Variants in UBAC1 observed in about 807,000 individuals in gnomAD.
The protein encoded by UBAC1 is UBA domain containing 1, also known as ubiquitin-associated domain-containing protein 1.
A neutral mutation model predicts 45.9 loss-of-function variants in UBAC1; 27 were observed. The ratio of observed to expected loss-of-function variants is 0.59; its 90% CI spans 0.43 to 0.81. The LOEUF is 0.81. Among genes scored for constraint, UBAC1 ranks in the 30% least tolerant of loss-of-function variants. UBAC1 has a pLI of 0.00. For missense variants in UBAC1, 529 were observed against 539.2 expected (o/e 0.98, Z 0.19); for synonymous variants, 227 against 215.5 (o/e 1.05, Z -0.47).
chr9:135,958,240 G>A (rs530418770), intron 1 of UBAC1, among the ~76,000 whole-genome samples: 1 of 152,044 alleles, frequency 6.6e-6, no homozygotes, highest in South Asian at 2.1e-4. Flanking sequence ...GTAAAGATGG[G>A]GTTTCACTGT....
At position 135,933,255 on chromosome 9, in the gene UBAC1, A is replaced by T; in HGVS notation, c.*145T>A. 1.6e-6 allele frequency: 1 copy of T among 644,090 alleles called. No homozygotes were observed. Among genetic ancestry groups the T allele is most frequent in the South Asian group, 1.9e-5 (1 of 54,038 alleles). 39.9% of individuals were successfully genotyped at this position (644,090 alleles called of 1,614,324 possible). A position where few individuals can be genotyped will look rare whatever the true frequency, so the allele number is the denominator to read the frequency against. ...GTCACCAAAGTTTATAAGCAATAAG[A>T]TCAGAGAGCAGGAGCAGCTGCAGCA... On this transcript the variant is annotated 3_prime_UTR_variant, in exon 10 of 10. Coordinates refer to ENST00000371756, the MANE Select transcript of UBAC1 (RefSeq NM_016172.3).
chr9:135,956,930 G>C (rs1043357030), intron 1 of UBAC1, among the ~76,000 whole-genome samples: 6 of 152,150 alleles, frequency 3.9e-5, no homozygotes, highest in African/African-American at 1.4e-4. Flanking sequence ...GCCCAGCCTG[G>C]AGCTGGGCCG....
intron 7 of UBAC1, among the ~76,000 whole-genome samples, chr9:135,943,392 C>T (rs376048507): frequency 1.3e-5 from 2 of 152,132 alleles, no homozygotes; most frequent in Middle Eastern, 3.2e-3. Flanking sequence ...AAATGCAAAT[C>T]AAAACCACAA....
In UBAC1 at chr9:135,938,371, A is replaced by C; in HGVS notation, c.964-11T>G. The C allele has an allele frequency of 6.2e-7, 1 of 1,612,136 alleles. No individual in the cohort carries two copies. The highest frequency in any genetic ancestry group is 1.1e-5 in the South Asian group (1 of 91,032). ...CAGCAGCCACTCGCACTGCAAAGCCAAGAGCACCAATACCACTGTTAGCGC... is the reference window on the plus strand; with the variant it reads ...CAGCAGCCACTCGCACTGCAAAGCCCAGAGCACCAATACCACTGTTAGCGC... On this transcript the variant is annotated splice_polypyrimidine_tract_variant and intron_variant, in intron 8 of 9. Transcript: ENST00000371756.
Position 135,960,917 on chromosome 9 carries a change from G to A in UBAC1, c.138+108C>T, listed in dbSNP as rs1012772222. The A allele has an allele frequency of 8.8e-6, 9 of 1,027,536 alleles. No individual in the cohort carries two copies. The African/African-American group carries it at 1.4e-4, about 15-fold the overall frequency. The allele number at this position is 1,027,536 out of a possible 1,614,324, so 63.7% of individuals were successfully genotyped here. A position where few individuals can be genotyped will look rare whatever the true frequency, so the allele number is the denominator to read the frequency against. ...CGGAGGAGAGGGCCTGGGAGCTGCG[G>A]ACTGGGCGGCGGACCCCAGGTCGGG... On this transcript the variant is annotated intron_variant, in intron 1 of 9. Coordinates refer to ENST00000371756, the MANE Select transcript of UBAC1 (RefSeq NM_016172.3).
chr9:135,955,876 G>A (rs981696290), intron 1 of UBAC1, among the ~76,000 whole-genome samples: 3 of 152,182 alleles, frequency 2.0e-5, no homozygotes, highest in Non-Finnish European at 2.9e-5. Flanking sequence ...CTGAGATGGG[G>A]ATAAGAGGAG....
intron 3 of UBAC1, among the ~76,000 whole-genome samples, chr9:135,950,404 G>T (rs182969330): frequency 6.6e-6 from 1 of 152,282 alleles, no homozygotes; most frequent in African/African-American, 2.4e-5. Context: ...TGGAGGGAGG[G>T]AACACCCCAG....
At chr9:135,942,343 T>A (rs1283489192) in intron 7 of UBAC1, 2 of 152,002 alleles carry the variant, frequency 1.3e-5, no homozygotes, top group Non-Finnish European at 2.9e-5. Context: ...AAATGCTAGA[T>A]GAAAATAAAA....
At chr9:135,950,557 T>C (rs754655002) in intron 3 of UBAC1, among the ~76,000 whole-genome samples, 5 of 152,058 alleles carry the variant, frequency 3.3e-5, no homozygotes, top group Non-Finnish European at 7.4e-5. Flanking sequence ...AATACAGCTG[T>C]GTAAGAAGGA....
intron 9 of UBAC1, 142 bp from the exon 10 acceptor site, chr9:135,933,657 T>A: frequency 1.5e-6 from 1 of 645,762 alleles, no homozygotes; most frequent in Non-Finnish European, 2.8e-6. Flanking sequence ...CTGCTAAGTG[T>A]GCACTCTCAG....
At chr9:135,959,371 G>GTT (rs1564200535) in intron 1 of UBAC1, among the ~76,000 whole-genome samples, 2 of 103,912 alleles carry the variant, frequency 1.9e-5, no homozygotes, top group African/African-American at 4.0e-5. Flanking sequence ...TTTTTTGTCT[G>GTT]GTTTTTTTTT....
chr9:135,943,083 C>G (rs1259150286), intron 7 of UBAC1, among the ~76,000 whole-genome samples: 2 of 152,054 alleles, frequency 1.3e-5, no homozygotes, highest in Admixed American at 1.3e-4. Flanking sequence ...AAAAAACAAC[C>G]CCATTAAAAA....
At chr9:135,946,103 C>G in intron 5 of UBAC1, 106 bp from the exon 6 acceptor site, 3 of 1,196,760 alleles carry the variant, frequency 2.5e-6, no homozygotes, top group Non-Finnish European at 3.7e-6. Flanking sequence ...ACCTGCCCGC[C>G]CTCAGGCACA....
Position 135,945,902 on chromosome 9 carries a change from G to A in UBAC1, c.640C>T (p.Leu214Phe). The A allele has an allele frequency of 6.2e-7, 1 of 1,614,048 alleles. No homozygotes were observed. ...GFPENRATKA[L>F]QLNHMSVPQA... ...CCCCCCACGCACTGGTTCAGCTGAA[G>A]GGCCTTGGTGGCTCTGTTCTCCGGA... The change falls in exon 6 of 10, where the codon CTT (leucine) becomes TTT (phenylalanine). Residue 214 changes from leucine to phenylalanine, a missense_variant. Leu to Phe is a conservative substitution (Grantham distance 22, BLOSUM62 0). Coordinates refer to ENST00000371756, the MANE Select transcript of UBAC1 (RefSeq NM_016172.3).
In UBAC1 at chr9:135,960,174, G is replaced by C. The variant is rs982614596; in HGVS notation, c.138+851C>G. 3.3e-5 allele frequency among the ~76,000 whole-genome samples: 5 copies of C among 152,152 alleles called. No individual in the cohort carries two copies. The East Asian group carries it at 5.8e-4, about 18-fold the overall frequency. On this transcript the variant is annotated intron_variant, in intron 1 of 9. Coordinates refer to ENST00000371756, the MANE Select transcript of UBAC1 (RefSeq NM_016172.3). ...CCTCCTTCAACCTAAATTCTGCCAAGCCCTCAGATCATGTCAGGTATAGAC... is the reference window on the plus strand; with the variant it reads ...CCTCCTTCAACCTAAATTCTGCCAACCCCTCAGATCATGTCAGGTATAGAC...
chr9:135,945,105 C>A lies in UBAC1; in HGVS notation c.799G>T (p.Asp267Tyr), dbSNP rs752631024. 1 of 1,613,700 alleles carries A rather than the reference C, an allele frequency of 6.2e-7. No homozygotes were observed. Among genetic ancestry groups the A allele is most frequent in the Non-Finnish European group, 8.5e-7 (1 of 1,179,788 alleles). The change falls in exon 7 of 10, where the codon GAT becomes TAT. Residue 267 changes from aspartate (D) to tyrosine (Y), a missense_variant. Physicochemically the swap from Asp to Tyr is radical, Grantham distance 160. Transcript: ENST00000371756. ...GTCAGCTCATCTCTGGCCTCCTCAT[C>A]GGTGGCGCTGGCTCCCGCGGCAGCC... ...SEAAAGASAT[D>Y]EEARDELTEI...
chr9:135,957,885 G>A (rs980402493), intron 1 of UBAC1, among the ~76,000 whole-genome samples: 3 of 143,300 alleles, frequency 2.1e-5, no homozygotes, highest in Admixed American at 7.3e-5. Flanking sequence ...AGCGATTCTT[G>A]TGCCTCAGCC....
intron 6 of UBAC1, 31 bp downstream of exon 6, chr9:135,945,858 C>T (rs752249984): frequency 1.4e-5 from 22 of 1,593,934 alleles, no homozygotes; most frequent in South Asian, 9.9e-5. Flanking sequence ...CAGGTGTCTC[C>T]GGCAAGGGAA....
chr9:135,938,821 G>GA (rs1218532695), intron 8 of UBAC1, among the ~76,000 whole-genome samples: 2 of 152,116 alleles, frequency 1.3e-5, no homozygotes, highest in Non-Finnish European at 2.9e-5. Flanking sequence ...GGTGGGGGGG[G>GA]GATGTGGGCC....
Sources: gnomAD v4.1 joint callset for allele counts (sites outside exome capture counted in the v4.1 genomes callset) on GRCh38, gnomAD v4.1.1 for gene constraint, MANE v1.5 for transcripts, NCBI Gene and HGNC (gene_info 2026-07-23, HGNC 2026-07-21) for gene names.